Variants in MTRF1L observed in about 807,000 individuals in gnomAD.
MTRF1L encodes mitochondrial translation release factor 1 like, also known as peptide chain release factor 1-like, mitochondrial.
MTRF1L carries 29 observed loss-of-function variants against 40.0 expected under a neutral mutation model. The observed-to-expected ratio is 0.73, with a 90% confidence interval of 0.54 to 0.99. The LOEUF (loss-of-function observed/expected upper bound fraction) is 0.99. MTRF1L is among the 50% of genes least tolerant of loss of function. The pLI is 0.00. For synonymous variants in MTRF1L, 150 were observed against 175.8 expected (o/e 0.85, Z 1.16); for missense variants, 412 against 464.5 (o/e 0.89, Z 1.04).
At chr6:152,997,042 A>C (rs576950029) in intron 2 of MTRF1L, among the ~76,000 whole-genome samples, 2 of 152,182 alleles carry the variant, frequency 1.3e-5, no homozygotes, top group Non-Finnish European at 2.9e-5. Flanking sequence ...AGCAAGAACA[A>C]ACATTAAATT....
intron 5 of MTRF1L, 26 bp from the exon 6 acceptor site, chr6:152,991,347 A>C (rs777891065): frequency 1.3e-6 from 2 of 1,543,660 alleles, no homozygotes; most frequent in Admixed American, 2.1e-5. Flanking sequence ...AGAATTAAAA[A>C]GTTTTAATAA....
intron 5 of MTRF1L, 93 bp downstream of exon 5, chr6:152,992,764 C>G: frequency 1.1e-6 from 1 of 903,932 alleles, no homozygotes; most frequent in South Asian, 1.5e-5. Flanking sequence ...ATATACTTCT[C>G]TGGTAACCGA....
intron 6 of MTRF1L, 27 bp from the exon 7 acceptor site, chr6:152,990,122 C>T: frequency 6.2e-7 from 1 of 1,604,250 alleles, no homozygotes; most frequent in Non-Finnish European, 8.5e-7. Context: ...AGATGAGATG[C>T]AGCTAGATTC....
Position 152,992,906 on chromosome 6 carries a change from C to T in MTRF1L, c.756G>A (p.Gln252=). ...CAGCACTGTCCGTGGTATTTACATG[C>T]TGCCCCCCAGCTCCACTGGCTCGCT... ...DTKRASGAGG[Q]HVNTTDSAVR... Residue 252 remains glutamine, a synonymous_variant, in exon 5 of 7, where the codon CAG becomes CAA. Transcript: ENST00000367233. 6.2e-7 allele frequency: 1 copy of T among 1,612,472 alleles called. No homozygotes were observed. The highest frequency in any genetic ancestry group is 8.5e-7 in the Non-Finnish European group (1 of 1,180,000).
Position 152,998,556 on chromosome 6 carries a change from C to G in MTRF1L, c.333G>C (p.Lys111Asn). ...TLCQKEITQL[K>N]HQIILLLVPS... ...CTTTGCAGAAATACCATACCTGATG[C>G]TTCAGCTGAGTTATTTCTTTTTGAC... Residue 111 changes from lysine to asparagine, a missense_variant, in exon 2 of 7, where the codon AAG becomes AAC. By Grantham distance (94) the Lys-to-Asn change is moderately conservative. Coordinates refer to ENST00000367233, the MANE Select transcript of MTRF1L (RefSeq NM_019041.7). 1 of 1,585,590 alleles carries G rather than the reference C, an allele frequency of 6.3e-7. No homozygotes were observed. The highest frequency in any genetic ancestry group is 8.6e-7 in the Non-Finnish European group (1 of 1,168,152).
chr6:152,990,118 GATGC>G (rs1778455092), intron 6 of MTRF1L, 23 bp from the exon 7 acceptor site: 1 of 1,605,602 alleles, frequency 6.2e-7, no homozygotes, highest in Admixed American at 1.7e-5. Context: ...AAAAAGATGA[GATGC>G]AGCTAGATTC....
intron 4 of MTRF1L, among the ~76,000 whole-genome samples, chr6:152,994,306 TACAC>T (rs771511415): frequency 6.6e-6 from 1 of 152,212 alleles, no homozygotes; most frequent in East Asian, 1.9e-4. Flanking sequence ...AAAATACTAA[TACAC>T]AGACAATGCA....
Position 152,989,598 on chromosome 6 carries a change from A to C in MTRF1L, c.*297T>G. On this transcript the variant is annotated 3_prime_UTR_variant, in exon 7 of 7. Coordinates refer to ENST00000367233, the MANE Select transcript of MTRF1L (RefSeq NM_019041.7). ...CCATGGTAAAGTTGGAAAATTGTTAAGTCAAGCTGTCATTAATTAGGAGAC... is the reference window on the plus strand; with the variant it reads ...CCATGGTAAAGTTGGAAAATTGTTACGTCAAGCTGTCATTAATTAGGAGAC... 1 of 255,580 alleles carries C rather than the reference A, an allele frequency of 3.9e-6. No homozygotes were observed. Among genetic ancestry groups the C allele is most frequent in the Non-Finnish European group, 7.5e-6 (1 of 133,954 alleles). The allele number at this position is 255,580 out of a possible 1,614,324, so 15.8% of individuals were successfully genotyped here. A position where few individuals can be genotyped will look rare whatever the true frequency, so the allele number is the denominator to read the frequency against.
At chr6:152,990,258 G>GA in intron 6 of MTRF1L, 163 bp from the exon 7 acceptor site, 5 of 1,031,478 alleles carry the variant, frequency 4.8e-6, no homozygotes, top group Non-Finnish European at 6.8e-6. Context: ...ACATGATATA[G>GA]AAAAAAGAAC....
At chr6:152,993,776 C>G (rs1043682279) in intron 4 of MTRF1L, among the ~76,000 whole-genome samples, 6 of 152,178 alleles carry the variant, frequency 3.9e-5, no homozygotes, top group Non-Finnish European at 5.9e-5. Context: ...CTACTTTACT[C>G]TCTCCCTTAA....
chr6:153,001,999 C>A (rs1388917677), intron 1 of MTRF1L, among the ~76,000 whole-genome samples: 1 of 152,218 alleles, frequency 6.6e-6, no homozygotes, highest in African/African-American at 2.4e-5. Flanking sequence ...TTAGGCCATA[C>A]TGAATTTCCC....
intron 6 of MTRF1L, 82 bp from the exon 7 acceptor site, chr6:152,990,177 T>G: frequency 6.5e-7 from 1 of 1,528,544 alleles, no homozygotes; most frequent in Non-Finnish European, 8.8e-7. Context: ...GAGACTTAAG[T>G]TCTTGATTTA....
intron 4 of MTRF1L, among the ~76,000 whole-genome samples, chr6:152,994,278 C>T (rs995543297): frequency 3.3e-5 from 5 of 152,106 alleles, no homozygotes; most frequent in African/African-American, 1.2e-4. Flanking sequence ...GATGATCTCA[C>T]AATAACTACT....
Position 153,002,682 on chromosome 6 carries a change from G to C in MTRF1L, c.4C>G (p.Arg2Gly), listed in dbSNP as rs1176851669. Reference protein sequence around the residue: MRSRVLWGAARW... With the variant: MGSRVLWGAARW... ...GCAGCGCCCCACAGAACCCGGGACC[G>C]CATCCTTAGTCCGAGATCGCGGACC... Residue 2 changes from arginine (R) to glycine (G), a missense_variant, in exon 1 of 7, where the codon CGG (arginine) becomes GGG (glycine). Coordinates refer to ENST00000367233, the MANE Select transcript of MTRF1L (RefSeq NM_019041.7). 12 of 1,485,294 alleles carry C rather than the reference G, an allele frequency of 8.1e-6. No individual in the cohort carries two copies. In the African/African-American group the frequency reaches 1.7e-4, roughly 21 times the overall value. 92.0% of individuals were successfully genotyped at this position (1,485,294 alleles called of 1,614,324 possible).
chr6:152,997,182 TGAA>T lies in MTRF1L; in HGVS notation c.339+1365_339+1367del, dbSNP rs528510919. 4.8e-4 allele frequency among the ~76,000 whole-genome samples: 73 copies of T among 152,302 alleles called. 2 individuals are homozygous for T. In the South Asian group the frequency reaches 6.0e-3, roughly 13 times the overall value. ...ATTTTAAGTAGAGACAAGATGATGT[TGAA>T]GAAGAAGTCCACAGTGGCAGACCAT... On this transcript the variant is annotated intron_variant, in intron 2 of 6. Transcript: ENST00000367233.
chr6:153,000,162 G>A (rs1435811882), intron 1 of MTRF1L, among the ~76,000 whole-genome samples: 3 of 152,208 alleles, frequency 2.0e-5, no homozygotes, highest in Non-Finnish European at 4.4e-5. Flanking sequence ...TGACAAGAAT[G>A]AAATGAAAGT....
In MTRF1L at chr6:153,002,489, G is replaced by T. The variant is rs150895723; in HGVS notation, c.197C>A (p.Ala66Glu). 2 of 1,613,638 alleles carry T rather than the reference G, an allele frequency of 1.2e-6. No homozygotes were observed. Among genetic ancestry groups the T allele is most frequent in the Non-Finnish European group, 1.7e-6 (2 of 1,179,818 alleles). Residue 66 changes from alanine (A) to glutamate (E), a missense_variant, in exon 1 of 7, where the codon GCG (alanine) becomes GAG (glutamate). Transcript: ENST00000367233. ...HLKVRRPELL[A>E]VIKLLNEKER... is the part of the protein sequence containing the mutation. ...CTTCTCGTTCAGCAGTTTGATCACC[G>T]CCAGCAACTCGGGCCTCCTGACCTT... is the stretch of plus-strand genomic sequence containing the variant.
chr6:152,994,308 C>T (rs1778631174), intron 4 of MTRF1L, among the ~76,000 whole-genome samples: 1 of 152,088 alleles, frequency 6.6e-6, no homozygotes, highest in South Asian at 2.1e-4. Flanking sequence ...AATACTAATA[C>T]ACAGACAATG....
Position 153,002,407 on chromosome 6 carries a change from C to G in MTRF1L, c.259+20G>C. 1.2e-6 allele frequency: 2 copies of G among 1,613,924 alleles called. No individual in the cohort carries two copies. Among genetic ancestry groups the G allele is most frequent in the Non-Finnish European group, 1.7e-6 (2 of 1,179,828 alleles). On this transcript the variant is annotated intron_variant, in intron 1 of 6. Transcript: ENST00000367233. ...GTCAAGAATGTGCTCTGACGCCTCT[C>G]CCCCGGGCCCGACCCTTACCGTGCA...
Sources: allele counts gnomAD v4.1 joint callset (sites outside exome capture counted in the v4.1 genomes callset), GRCh38; gene constraint gnomAD v4.1.1; transcripts MANE v1.5; gene names NCBI Gene and HGNC (gene_info 2026-07-23, HGNC 2026-07-21).